MCAT: variants seen among roughly 807,000 people sequenced by gnomAD.
MCAT encodes malonyl-CoA-acyl carrier protein transacylase.
A neutral mutation model predicts 22.9 loss-of-function variants in MCAT; 22 were observed. The ratio of observed to expected loss-of-function variants is 0.96; its 90% CI spans 0.69 to 1.37. MCAT has a LOEUF of 1.37. Among genes scored for constraint, MCAT ranks in the 40% most tolerant of loss-of-function variants. The probability of loss-of-function intolerance (pLI) is 0.00; values close to 1 mark genes in which losing one functional copy is unlikely to be tolerated. For synonymous variants in MCAT, 240 were observed against 233.9 expected (o/e 1.03, Z -0.24); for missense variants, 534 against 533.6 (o/e 1.00, Z -0.01).
chr22:43,134,386 C>T (rs1204979910), intron 3 of MCAT, among the ~76,000 whole-genome samples: 2 of 152,014 alleles, frequency 1.3e-5, no homozygotes, highest in Non-Finnish European at 2.9e-5. Flanking sequence ...CTTGTTCTGT[C>T]ACCCAGGCTG....
Position 43,143,189 on chromosome 22 carries a change from T to G in MCAT, c.160A>C (p.Thr54Pro). 1.3e-6 allele frequency: 2 copies of G among 1,546,816 alleles called. No homozygotes were observed. The highest frequency in any genetic ancestry group is 1.7e-6 in the Non-Finnish European group (2 of 1,156,570). ...GAEEEAPWAA[T>P]ERRMPGQCSV... is the part of the protein sequence containing the mutation. Reference sequence around the variant, plus strand: ...CACTGGCCCGGCATTCGCCGCTCCGTCGCCGCCCAGGGCGCCTCCTCCTCC... The same window carrying G: ...CACTGGCCCGGCATTCGCCGCTCCGGCGCCGCCCAGGGCGCCTCCTCCTCC... The change falls in exon 1 of 4, where the codon ACG becomes CCG. Residue 54 changes from threonine (T) to proline (P), a missense_variant. By Grantham distance (38) the Thr-to-Pro change is conservative. Coordinates refer to ENST00000290429, the MANE Select transcript of MCAT (RefSeq NM_173467.5).
intron 2 of MCAT, among the ~76,000 whole-genome samples, chr22:43,139,029 T>C (rs992399488): frequency 6.6e-6 from 1 of 152,168 alleles, no homozygotes; most frequent in Non-Finnish European, 1.5e-5. Flanking sequence ...GGAGGACTGC[T>C]TGAGATCAGG....
intron 3 of MCAT, among the ~76,000 whole-genome samples, chr22:43,133,747 C>T (rs1930524303): frequency 6.6e-6 from 1 of 152,016 alleles, no homozygotes; most frequent in African/African-American, 2.4e-5. Context: ...ACAAGGCATG[C>T]AACAGTGTCT....
At chr22:43,141,094 G>T in intron 2 of MCAT, 68 bp downstream of exon 2, 1 of 1,272,512 alleles carries the variant, frequency 7.9e-7, no homozygotes, top group Non-Finnish European at 1.1e-6. Flanking sequence ...TATCATTTTT[G>T]GCAGTGTCCC....
At chr22:43,136,158 C>A (rs1930604001) in intron 3 of MCAT, among the ~76,000 whole-genome samples, 1 of 152,196 alleles carries the variant, frequency 6.6e-6, no homozygotes, top group South Asian at 2.1e-4. Flanking sequence ...GTAGGAGGAA[C>A]ACTTGAGCCC....
In MCAT at chr22:43,133,203, T is replaced by C. The variant is rs1601738436; in HGVS notation, c.1013A>G (p.Lys338Arg). 1 of 1,614,172 alleles carries C rather than the reference T, an allele frequency of 6.2e-7. No homozygotes were observed. Among genetic ancestry groups the C allele is most frequent in the East Asian group, 2.2e-5 (1 of 44,880 alleles). Residue 338 changes from lysine to arginine, a missense_variant, in exon 4 of 4, where the codon AAG becomes AGG. Lys to Arg is a conservative substitution (Grantham distance 26). Transcript: ENST00000290429. ...GAAAGTTTGGGGGAACCCCCTGCCC[T>C]TTTTCCTTTCGTATATGGCATGCAT... ...QTMHAIYERK[K>R]GRGFPQTFEV...
At chr22:43,139,986 A>G (rs1930724249) in intron 2 of MCAT, among the ~76,000 whole-genome samples, 1 of 152,256 alleles carries the variant, frequency 6.6e-6, no homozygotes, top group African/African-American at 2.4e-5. Context: ...CGCTTAAAAA[A>G]AAAGCACTGC....
At chr22:43,140,107 C>A (rs940889498) in intron 2 of MCAT, among the ~76,000 whole-genome samples, 2 of 152,150 alleles carry the variant, frequency 1.3e-5, no homozygotes, top group African/African-American at 4.8e-5. Context: ...TCAAACACTC[C>A]ATGTCCACTA....
intron 3 of MCAT, among the ~76,000 whole-genome samples, chr22:43,133,807 C>CCTTT (rs1555973353): frequency 7.1e-6 from 1 of 141,286 alleles, no homozygotes; most frequent in African/African-American, 2.6e-5. Flanking sequence ...AATGAGAATT[C>CCTTT]TTTTTTTTTT....
intron 1 of MCAT, 84 bp from the exon 2 acceptor site, chr22:43,141,333 G>A: frequency 1.7e-6 from 2 of 1,168,470 alleles, no homozygotes; most frequent in South Asian, 1.2e-5. Context: ...CTGGCGGGGT[G>A]TTCAGCATCT....
intron 1 of MCAT, among the ~76,000 whole-genome samples, 194 bp from the exon 2 acceptor site, chr22:43,141,443 C>G (rs766060647): frequency 9.2e-5 from 14 of 152,200 alleles, no homozygotes; most frequent in Non-Finnish European, 1.9e-4. Context: ...TTAGGAGGAG[C>G]TTTCCTGGTT....
chr22:43,143,065 C>A lies in MCAT; in HGVS notation c.284G>T (p.Arg95Leu). Residue 95 changes from arginine (R) to leucine (L), a missense_variant, in exon 1 of 4, where the codon CGC becomes CTC. Coordinates refer to ENST00000290429, the MANE Select transcript of MCAT (RefSeq NM_173467.5). ...CAGCAGGTCGTAGCCCAGCACGCGG[C>A]GGGCGGCGGCGTAGAGTTCGCGGAC... The part of the protein sequence containing the change: ...PRVRELYAAA[R>L]RVLGYDLLEL... 1.2e-6 allele frequency: 2 copies of A among 1,609,122 alleles called. No individual in the cohort carries two copies. The highest frequency in any genetic ancestry group is 8.5e-7 in the Non-Finnish European group (1 of 1,179,178).
Position 43,138,740 on chromosome 22 carries a change from A to G in MCAT, c.512-1442T>C, listed in dbSNP as rs114589539. ...TGACAGAGCGAGACCCTGTCTCAAA[A>G]ATCCCTACAAAGCCACACATAAGAA... On this transcript the variant is annotated intron_variant, in intron 2 of 3. Coordinates refer to ENST00000290429, the MANE Select transcript of MCAT (RefSeq NM_173467.5). Among the ~76,000 whole-genome samples, 1,253 of 152,166 alleles carry G rather than the reference A, an allele frequency of 8.2e-3. 19 individuals carry two copies. The highest frequency in any genetic ancestry group is 0.029 in the African/African-American group (1,207 of 41,528).
intron 2 of MCAT, among the ~76,000 whole-genome samples, chr22:43,138,143 C>G (rs148017482): frequency 0.01 from 1,545 of 152,292 alleles, 14 homozygotes; most frequent in Non-Finnish European, 0.015. Flanking sequence ...GGAAGGATCA[C>G]TTGTGACCAG....
Position 43,143,256 on chromosome 22 carries a change from G to A in MCAT, c.93C>T (p.Gly31=). Residue 31 remains glycine, a synonymous_variant, in exon 1 of 4, where the codon GGC becomes GGT. Transcript: ENST00000290429. ...GASSFPVPPP[G]AQGVAELLRD... is the part of the protein sequence containing the mutation. ...GCAGCAGCTCCGCTACACCCTGGGC[G>A]CCCGGCGGAGGCACCGGGAAGCTCG... 2 of 1,449,728 alleles carry A rather than the reference G, an allele frequency of 1.4e-6. No individual in the cohort carries two copies. The highest frequency in any genetic ancestry group is 1.5e-5 in the African/African-American group (1 of 67,190). The allele number at this position is 1,449,728 out of a possible 1,614,324, so 89.8% of individuals were successfully genotyped here. A position where few individuals can be genotyped will look rare whatever the true frequency, so the allele number is the denominator to read the frequency against.
At chr22:43,142,898 C>T (rs762679477) in intron 1 of MCAT, 28 bp downstream of exon 1, 19 of 1,483,970 alleles carry the variant, frequency 1.3e-5, no homozygotes, top group Middle Eastern at 1.8e-4. Flanking sequence ...TCACCTTCCC[C>T]CTCCTGTCAC....
Position 43,143,221 on chromosome 22 carries a change from G to T in MCAT, c.128C>A (p.Thr43Asn). Reference sequence around the variant, plus strand: ...CCAGGGCGCCTCCTCCTCCGCCCCGGTCGCATCTCGCAGCAGCTCCGCTAC... The same window carrying T: ...CCAGGGCGCCTCCTCCTCCGCCCCGTTCGCATCTCGCAGCAGCTCCGCTAC... ...QGVAELLRDA[T>N]GAEEEAPWAA... The change falls in exon 1 of 4, where the codon ACC becomes AAC. Residue 43 changes from threonine (T) to asparagine (N), a missense_variant. By Grantham distance (65) the Thr-to-Asn change is moderately conservative (BLOSUM62 0). Transcript: ENST00000290429. 6.6e-7 allele frequency: 1 copy of T among 1,522,420 alleles called. No homozygotes were observed. Among genetic ancestry groups the T allele is most frequent in the Non-Finnish European group, 8.7e-7 (1 of 1,144,696 alleles). The allele number at this position is 1,522,420 out of a possible 1,614,324, so 94.3% of individuals were successfully genotyped here. A position where few individuals can be genotyped will look rare whatever the true frequency, so the allele number is the denominator to read the frequency against.
At chr22:43,141,998 A>G (rs1930782175) in intron 1 of MCAT, among the ~76,000 whole-genome samples, 1 of 152,246 alleles carries the variant, frequency 6.6e-6, no homozygotes, top group South Asian at 2.1e-4. Context: ...AGACTAGGGT[A>G]AGCAGTGAAT....
intron 2 of MCAT, among the ~76,000 whole-genome samples, chr22:43,139,006 G>A (rs1202204883): frequency 6.6e-6 from 1 of 152,208 alleles, no homozygotes; most frequent in Non-Finnish European, 1.5e-5. Context: ...CAGGTACTTA[G>A]GAGGCTAAGG....
Sources: gnomAD v4.1 joint callset for allele counts (sites outside exome capture counted in the v4.1 genomes callset) on GRCh38, gnomAD v4.1.1 for gene constraint, MANE v1.5 for transcripts, NCBI Gene and HGNC (gene_info 2026-07-23, HGNC 2026-07-21) for gene names.